Variants in HS6ST3 observed in about 807,000 individuals in gnomAD.
HS6ST3 encodes the protein heparan-sulfate 6-O-sulfotransferase 3.
Under a neutral mutation model 36.7 loss-of-function variants are expected in HS6ST3, and 12 were observed. The ratio of observed to expected loss-of-function variants is 0.33; its 90% confidence interval spans 0.21 to 0.53. HS6ST3 has a LOEUF of 0.53. HS6ST3 is among the 20% of genes least tolerant of loss of function. The probability of loss-of-function intolerance (pLI) is 0.95; values close to 1 mark genes in which losing one functional copy is unlikely to be tolerated. For missense variants in HS6ST3, 584 were observed against 640.9 expected, an observed-to-expected ratio of 0.91 and a Z score of 0.96; for synonymous variants, 240 against 257.5, an observed-to-expected ratio of 0.93 and a Z score of 0.65.
chr13:96,235,711 T>A (rs934972515), intron 1 of HS6ST3, among the ~76,000 whole-genome samples: 2 of 152,166 alleles, frequency 1.3e-5, no homozygotes, highest in African/African-American at 4.8e-5. Context: ...CTAGTTGTCA[T>A]CTACTGATCT....
At chr13:96,513,150 T>G (rs1045596969) in intron 1 of HS6ST3, among the ~76,000 whole-genome samples, 1 of 152,196 alleles carries the variant, frequency 6.6e-6, no homozygotes, top group African/African-American at 2.4e-5. Flanking sequence ...TATTTTTCTC[T>G]TTTTAAATGC....
At chr13:96,133,514 C>G (rs2053986324) in intron 1 of HS6ST3, among the ~76,000 whole-genome samples, 1 of 152,118 alleles carries the variant, frequency 6.6e-6, no homozygotes. Flanking sequence ...CCTCTGCCTC[C>G]TGGGTTCAAA....
In HS6ST3 at chr13:96,530,136, A is replaced by G. The variant is rs927136179; in HGVS notation, c.708-302354A>G. Among the ~76,000 whole-genome samples, 4 of 151,206 alleles carry G rather than the reference A, an allele frequency of 2.6e-5. No homozygotes were observed. The Admixed American group carries it at 2.7e-4, about 10-fold the overall frequency. On this transcript the variant is annotated intron_variant, in intron 1 of 1. Transcript: ENST00000376705. ...TTGCTACTTAGAATATGGTCAGTGGACCAACTGCATAGGATTTCATTAAGA... is the reference window on the plus strand; with the variant it reads ...TTGCTACTTAGAATATGGTCAGTGGGCCAACTGCATAGGATTTCATTAAGA...
chr13:96,837,277 T>A lies in HS6ST3; in HGVS notation c.*4079T>A, dbSNP rs1878950742. ...AAGATAAGACTAAAATTCATCACTT[T>A]GTGTAGCATTTAATGGTTTTCAGAA... On this transcript the variant is annotated 3_prime_UTR_variant, in exon 2 of 2. Transcript: ENST00000376705. 3.3e-5 allele frequency: 5 copies of A among 152,228 alleles called. 1 individual carries two copies. In the South Asian group the frequency reaches 1.0e-3, roughly 31 times the overall value. 9.4% of individuals were successfully genotyped at this position (152,228 alleles called of 1,614,324 possible). A position where few individuals can be genotyped will look rare whatever the true frequency, so the allele number is the denominator to read the frequency against.
rs1359058719 is a variant in HS6ST3 at position 96,475,219 on chromosome 13, A to G, written c.708-357271A>G. Among the ~76,000 whole-genome samples the G allele has an allele frequency of 5.9e-5, 9 of 152,192 alleles. No homozygotes were observed. The East Asian group carries it at 1.7e-3, about 29-fold the overall frequency. ...GAGCTATTCTACTCTTCAGTTTTCT[A>G]CCTTTCTCGTTTTGGATCAAGAAGA... On this transcript the variant is annotated intron_variant, in intron 1 of 1. Transcript: ENST00000376705.
intron 1 of HS6ST3, among the ~76,000 whole-genome samples, chr13:96,316,389 A>C (rs1339577936): frequency 6.6e-6 from 1 of 152,018 alleles, no homozygotes; most frequent in African/African-American, 2.4e-5. Context: ...AAGTAAACAT[A>C]ACTTCCCTAA....
At chr13:96,812,004 A>T (rs1878325534) in intron 1 of HS6ST3, among the ~76,000 whole-genome samples, 1 of 152,052 alleles carries the variant, frequency 6.6e-6, no homozygotes, top group Admixed American at 6.6e-5. Flanking sequence ...TTGGGGTGGG[A>T]TGTATTCTTC....
chr13:96,623,126 C>G (rs935612191), intron 1 of HS6ST3, among the ~76,000 whole-genome samples: 1 of 152,086 alleles, frequency 6.6e-6, no homozygotes, highest in African/African-American at 2.4e-5. Flanking sequence ...AATTTTGCAT[C>G]ATAAACTTAT....
intron 1 of HS6ST3, among the ~76,000 whole-genome samples, chr13:96,430,454 T>C (rs2055609234): frequency 6.6e-6 from 1 of 152,334 alleles, no homozygotes; most frequent in Middle Eastern, 3.4e-3. Context: ...CCCTGGGCAC[T>C]GTCTGGCCCT....
chr13:96,126,410 G>A (rs754798833), intron 1 of HS6ST3, among the ~76,000 whole-genome samples: 2 of 152,204 alleles, frequency 1.3e-5, no homozygotes, highest in Non-Finnish European at 2.9e-5. Context: ...GCAACTAGCT[G>A]GGGCTGGCCT....
chr13:96,271,570 C>T (rs1392046832), intron 1 of HS6ST3, among the ~76,000 whole-genome samples: 1 of 151,802 alleles, frequency 6.6e-6, no homozygotes, highest in Non-Finnish European at 1.5e-5. Flanking sequence ...GTTGGGACAA[C>T]AGAAGCCACT....
intron 1 of HS6ST3, among the ~76,000 whole-genome samples, chr13:96,406,400 A>T (rs1326086000): frequency 6.6e-6 from 1 of 152,194 alleles, no homozygotes; most frequent in Middle Eastern, 3.2e-3. Context: ...ATACAATTAC[A>T]GTACTTGGTT....
At chr13:96,344,128 G>C (rs907551363) in intron 1 of HS6ST3, among the ~76,000 whole-genome samples, 2 of 151,668 alleles carry the variant, frequency 1.3e-5, no homozygotes, top group Non-Finnish European at 2.9e-5. Flanking sequence ...TATTATATAG[G>C]TGTGTATACG....
intron 1 of HS6ST3, among the ~76,000 whole-genome samples, chr13:96,132,101 C>T (rs879446539): frequency 2.0e-5 from 3 of 146,740 alleles, no homozygotes; most frequent in Non-Finnish European, 4.5e-5. Flanking sequence ...TTCCGTTTTT[C>T]AGACTGAATA....
chr13:96,390,587 C>T (rs778820353), intron 1 of HS6ST3, among the ~76,000 whole-genome samples: 45 of 152,322 alleles, frequency 3.0e-4, no homozygotes, highest in Non-Finnish European at 5.0e-4. Context: ...TTTGTTATAA[C>T]AGCCAGAGCA....
chr13:96,181,651 C>T (rs2054240587), intron 1 of HS6ST3, among the ~76,000 whole-genome samples: 1 of 152,104 alleles, frequency 6.6e-6, no homozygotes, highest in African/African-American at 2.4e-5. Flanking sequence ...AAGGCTGATC[C>T]TAGGATGGAG....
At chr13:96,204,863 A>G (rs2054361595) in intron 1 of HS6ST3, among the ~76,000 whole-genome samples, 1 of 152,220 alleles carries the variant, frequency 6.6e-6, no homozygotes, top group African/African-American at 2.4e-5. Flanking sequence ...AGAAATTTAT[A>G]GCATTGAATG....
At chr13:96,725,936 C>G (rs527627496) in intron 1 of HS6ST3, among the ~76,000 whole-genome samples, 10 of 152,152 alleles carry the variant, frequency 6.6e-5, no homozygotes, top group African/African-American at 2.4e-4. Context: ...TCCCAGGGTT[C>G]AAGTGATTCT....
At chr13:96,112,701 G>A (rs1161156421) in intron 1 of HS6ST3, among the ~76,000 whole-genome samples, 1 of 146,914 alleles carries the variant, frequency 6.8e-6, no homozygotes, top group Non-Finnish European at 1.5e-5. Context: ...CCATGAGTTG[G>A]AGGTTGCAGT....
Sources: allele counts gnomAD v4.1 joint callset (sites outside exome capture counted in the v4.1 genomes callset), GRCh38; gene constraint gnomAD v4.1.1; transcripts MANE v1.5; gene names NCBI Gene and HGNC (gene_info 2026-07-23, HGNC 2026-07-21).